UGT1A8: variants seen among roughly 807,000 people sequenced by gnomAD.
UGT1A8 encodes UDP-glucuronosyltransferase 1A8.
In UGT1A8, 39 loss-of-function variants were observed where a neutral mutation model predicts 45.3. That is an observed-to-expected ratio of 0.86 (90% CI 0.67 to 1.12). The LOEUF is 1.12. UGT1A8 is among the 50% of genes most tolerant of loss of function. The pLI is 0.00. For synonymous variants in UGT1A8, 275 were observed against 249.2 expected (o/e 1.10, Z -0.97); for missense variants, 719 against 664.9 (o/e 1.08, Z -0.90).
chr2:233,662,577 G>A (rs908533283), intron 1 of UGT1A8, among the ~76,000 whole-genome samples: 6 of 152,112 alleles, frequency 3.9e-5, no homozygotes, highest in Non-Finnish European at 8.8e-5. Flanking sequence ...CATGTTGACT[G>A]TGAATGAGAT....
At chr2:233,760,734 G>C (rs1458334680) in intron 1 of UGT1A8, 2 of 1,614,080 alleles carry the variant, frequency 1.2e-6, no homozygotes, top group Non-Finnish European at 1.7e-6. Context: ...ATGTCATGCT[G>C]ACGGACCCTT....
chr2:233,672,736 A>G (rs376424202), intron 1 of UGT1A8: 147 of 1,613,820 alleles, frequency 9.1e-5, no homozygotes, highest in Middle Eastern at 1.6e-4. Flanking sequence ...CGTGATGCCC[A>G]ACATGATCTT....
chr2:233,728,931 T>C (rs569892277), intron 1 of UGT1A8, among the ~76,000 whole-genome samples: 4,920 of 152,288 alleles, frequency 0.032, 257 homozygotes, highest in African/African-American at 0.11. Flanking sequence ...TCATGATCGG[T>C]CTTTTCCAGG....
intron 1 of UGT1A8, among the ~76,000 whole-genome samples, chr2:233,676,404 C>T (rs1247227318): frequency 6.6e-6 from 1 of 152,186 alleles, no homozygotes; most frequent in Non-Finnish European, 1.5e-5. Flanking sequence ...TTCATCTACC[C>T]TGTGTCCAGT....
Position 233,746,688 on chromosome 2 carries a change from A to G in UGT1A8, c.856-20346A>G, listed in dbSNP as rs575730371. 2.2e-4 allele frequency among the ~76,000 whole-genome samples: 34 copies of G among 151,888 alleles called. 2 individuals carry two copies. The highest frequency in any genetic ancestry group is 7.5e-4 in the African/African-American group (31 of 41,174). On this transcript the variant is annotated intron_variant, in intron 1 of 4. Transcript: ENST00000373450. The stretch of plus-strand genomic sequence containing the variant: ...CTAGCATAGTAGGTAGGGCTCACAC[A>G]TTCCATAAATATTTGGTGGATAAGG...
intron 1 of UGT1A8, among the ~76,000 whole-genome samples, chr2:233,764,157 G>A (rs1698491746): frequency 6.6e-6 from 1 of 152,190 alleles, no homozygotes; most frequent in African/African-American, 2.4e-5. Flanking sequence ...GGCTGGTGAA[G>A]TCTCATCAGA....
At chr2:233,623,939 G>T (rs1250087194) in intron 1 of UGT1A8, among the ~76,000 whole-genome samples, 1 of 152,046 alleles carries the variant, frequency 6.6e-6, no homozygotes. Context: ...ATCCACAGGG[G>T]TCCTGCAAAT....
intron 1 of UGT1A8, chr2:233,729,215 A>G (rs766332130): frequency 6.2e-7 from 1 of 1,614,066 alleles, no homozygotes; most frequent in Non-Finnish European, 8.5e-7. Flanking sequence ...GAGAGTGGAA[A>G]GGTGTTGGTG....
intron 1 of UGT1A8, among the ~76,000 whole-genome samples, chr2:233,665,331 C>G (rs970759055): frequency 7.2e-5 from 11 of 152,202 alleles, no homozygotes; most frequent in Non-Finnish European, 1.2e-4. Context: ...TATGTAAACA[C>G]TCTTTAATAC....
intron 1 of UGT1A8, among the ~76,000 whole-genome samples, chr2:233,753,843 T>A (rs529676681): frequency 6.6e-6 from 1 of 152,338 alleles, no homozygotes; most frequent in South Asian, 2.1e-4. Flanking sequence ...TCCTAGTATA[T>A]CATTGACCAA....
At position 233,768,432 on chromosome 2, in the gene UGT1A8, G is replaced by C; in HGVS notation, c.1288G>C (p.Asp430His). 6.2e-7 allele frequency: 1 copy of C among 1,613,814 alleles called. No individual in the cohort carries two copies. Among genetic ancestry groups the C allele is most frequent in the Non-Finnish European group, 8.5e-7 (1 of 1,179,896 alleles). The change falls in exon 4 of 5, where the codon GAC becomes CAC. Residue 430 changes from aspartate to histidine, a missense_variant. Physicochemically the swap from Asp to His is moderately conservative, Grantham distance 81. Coordinates refer to ENST00000373450, the MANE Select transcript of UGT1A8 (RefSeq NM_019076.5). ...AAATGCTCTAAAAGCAGTCATCAAT[G>C]ACAAAAGGTAAGAAAGAAGATACAG... is the stretch of plus-strand genomic sequence containing the variant. The part of the protein sequence containing the change: ...LENALKAVIN[D>H]KSYKENIMRL...
chr2:233,678,600 C>T (rs1385438468), intron 1 of UGT1A8, among the ~76,000 whole-genome samples: 1 of 152,124 alleles, frequency 6.6e-6, no homozygotes, highest in African/African-American at 2.4e-5. Flanking sequence ...TTTCAGTGCC[C>T]ATAAGGGTTC....
At chr2:233,676,385 T>C (rs2074358961) in intron 1 of UGT1A8, among the ~76,000 whole-genome samples, 1 of 152,228 alleles carries the variant, frequency 6.6e-6, no homozygotes, top group African/African-American at 2.4e-5. Flanking sequence ...ACAAATAGTT[T>C]AGAGAATTTT....
intron 1 of UGT1A8, among the ~76,000 whole-genome samples, chr2:233,680,971 A>C (rs1156582605): frequency 6.6e-6 from 1 of 152,056 alleles, no homozygotes; most frequent in Non-Finnish European, 1.5e-5. Context: ...GGAAGGGTCC[A>C]TGGAGGCAGG....
At chr2:233,671,883 G>A in intron 1 of UGT1A8, 1 of 1,551,892 alleles carries the variant, frequency 6.4e-7, no homozygotes, top group Non-Finnish European at 8.7e-7. Flanking sequence ...CCCACCTACT[G>A]TATCATAGGA....
chr2:233,636,955 G>C, intron 1 of UGT1A8: 1 of 1,614,130 alleles, frequency 6.2e-7, no homozygotes, highest in South Asian at 1.1e-5. Context: ...TTTTGATGCA[G>C]TGTTTCTGGA....
At chr2:233,753,876 C>T (rs1268305886) in intron 1 of UGT1A8, among the ~76,000 whole-genome samples, 1 of 152,310 alleles carries the variant, frequency 6.6e-6, no homozygotes, top group East Asian at 1.9e-4. Flanking sequence ...AAGGTCTGTC[C>T]TCAGCCTTCA....
intron 1 of UGT1A8, among the ~76,000 whole-genome samples, chr2:233,731,096 C>A (rs1335372284): frequency 6.6e-6 from 1 of 151,962 alleles, no homozygotes; most frequent in African/African-American, 2.4e-5. Flanking sequence ...TATTTCTGTG[C>A]CTTTTTTATA....
At chr2:233,637,380 A>T in intron 1 of UGT1A8, 2 of 1,611,394 alleles carry the variant, frequency 1.2e-6, no homozygotes, top group Non-Finnish European at 1.7e-6. Flanking sequence ...TGCCTATGGT[A>T]AGTCACCTCT....
Sources: gnomAD v4.1 joint callset for allele counts (sites outside exome capture counted in the v4.1 genomes callset) on GRCh38, gnomAD v4.1.1 for gene constraint, MANE v1.5 for transcripts, NCBI Gene and HGNC (gene_info 2026-07-23, HGNC 2026-07-21) for gene names.